The following WNT7A variants were observed in gnomAD, a reference collection of about 807,000 sequenced individuals.
WNT7A encodes protein Wnt-7a.
WNT7A carries 16 observed loss-of-function variants against 28.2 expected under a neutral mutation model. The observed-to-expected ratio is 0.57, with a 90% CI of 0.38 to 0.86. The LOEUF (loss-of-function observed/expected upper bound fraction) is 0.86. Among genes scored for constraint, WNT7A ranks in the 40% least tolerant of loss-of-function variants. The pLI is 0.00. For missense variants in WNT7A, 411 were observed against 489.7 expected (o/e 0.84, Z 1.52); for synonymous variants, 190 against 195.9 (o/e 0.97, Z 0.25).
intron 1 of WNT7A, among the ~76,000 whole-genome samples, chr3:13,878,847 C>T (rs554393666): frequency 7.7e-4 from 117 of 152,246 alleles, no homozygotes; most frequent in African/African-American, 2.7e-3. Flanking sequence ...GAGCCTCACA[C>T]GCGTTGTCTT....
intron 2 of WNT7A, among the ~76,000 whole-genome samples, chr3:13,856,005 A>G (rs55936644): frequency 0.45 from 67,880 of 151,828 alleles, 18,473 homozygotes; most frequent in East Asian, 0.83. Flanking sequence ...CTTCTCATTC[A>G]CCTTGGGACC....
intron 3 of WNT7A, among the ~76,000 whole-genome samples, chr3:13,838,352 G>A (rs1313424561): frequency 6.6e-6 from 1 of 152,222 alleles, no homozygotes; most frequent in African/African-American, 2.4e-5. Context: ...AGGAGCAACA[G>A]TGGACCTGAA....
intron 2 of WNT7A, among the ~76,000 whole-genome samples, chr3:13,868,377 C>T (rs1056212463): frequency 2.6e-5 from 4 of 151,446 alleles, no homozygotes; most frequent in Admixed American, 2.0e-4. Context: ...CCTGTAATCC[C>T]AGTGGAAGGA....
At chr3:13,856,360 A>G (rs1694729665) in intron 2 of WNT7A, among the ~76,000 whole-genome samples, 1 of 152,284 alleles carries the variant, frequency 6.6e-6, no homozygotes, top group Non-Finnish European at 1.5e-5. Flanking sequence ...TCAAATGCAG[A>G]AATGCATAGC....
In WNT7A at chr3:13,816,929, A is replaced by T. The variant is rs1370097056; in HGVS notation, c.*2015T>A. On this transcript the variant is annotated 3_prime_UTR_variant, in exon 4 of 4. Coordinates refer to ENST00000285018, the MANE Select transcript of WNT7A (RefSeq NM_004625.4). ...CCCCTTCACATGCCCACTCCTCCAG[A>T]CACCCAAGTAAAAGAAAAATGGAAA... 3 of 152,108 alleles carry T rather than the reference A, an allele frequency of 2.0e-5. No individual in the cohort carries two copies. The highest frequency in any genetic ancestry group is 4.4e-5 in the Non-Finnish European group (3 of 68,054). 9.4% of individuals were successfully genotyped at this position (152,108 alleles called of 1,614,324 possible).
At chr3:13,854,129 G>T (rs1222397166) in intron 3 of WNT7A, among the ~76,000 whole-genome samples, 1 of 151,888 alleles carries the variant, frequency 6.6e-6, no homozygotes, top group East Asian at 1.9e-4. Context: ...CACAGGATGT[G>T]GCCAGAAGCC....
chr3:13,839,192 A>C (rs1045836942), intron 3 of WNT7A, among the ~76,000 whole-genome samples: 4 of 152,176 alleles, frequency 2.6e-5, no homozygotes, highest in African/African-American at 9.7e-5. Flanking sequence ...TGGTTCCTGG[A>C]CCAACCAGCA....
intron 1 of WNT7A, among the ~76,000 whole-genome samples, chr3:13,877,421 T>C (rs1196542033): frequency 6.6e-6 from 1 of 152,094 alleles, no homozygotes; most frequent in Non-Finnish European, 1.5e-5. Flanking sequence ...AGAAGCAGCA[T>C]GAGAAGATTA....
intron 1 of WNT7A, among the ~76,000 whole-genome samples, chr3:13,879,139 G>A (rs944848758): frequency 6.6e-6 from 1 of 152,234 alleles, no homozygotes; most frequent in Non-Finnish European, 1.5e-5. Context: ...CTTGGCCCGG[G>A]AAGGGGCTCT....
At chr3:13,869,551 A>C (rs1381201554) in intron 2 of WNT7A, among the ~76,000 whole-genome samples, 1 of 150,916 alleles carries the variant, frequency 6.6e-6, no homozygotes, top group Non-Finnish European at 1.5e-5. Flanking sequence ...GAAAAAAGAA[A>C]GAAAAGAAGG....
intron 3 of WNT7A, among the ~76,000 whole-genome samples, chr3:13,833,696 T>G (rs998485494): frequency 2.6e-5 from 4 of 152,190 alleles, no homozygotes; most frequent in African/African-American, 9.7e-5. Context: ...GACTGTGGCC[T>G]GTGACCTGGG....
At chr3:13,836,545 G>A (rs1694374192) in intron 3 of WNT7A, among the ~76,000 whole-genome samples, 1 of 152,220 alleles carries the variant, frequency 6.6e-6, no homozygotes, top group Admixed American at 6.5e-5. Flanking sequence ...CCCTGGTCAT[G>A]TCCTCCATCC....
chr3:13,861,673 G>A (rs906515105), intron 2 of WNT7A, among the ~76,000 whole-genome samples: 86 of 152,318 alleles, frequency 5.6e-4, no homozygotes, highest in Admixed American at 9.1e-4. Flanking sequence ...CTAGTGGCGG[G>A]AGCAGGTGAG....
rs1276596399 is a variant in WNT7A, at chr3:13,874,972, G to A, written c.273C>T (p.Thr91=). ...CCACTTTGAGCTCCTTCCCGAAGAC[G>A]GTGCGCTCTCCCAGTGCAGAGCAGT... ...RWNCSALGER[T]VFGKELKVGS... Residue 91 remains threonine, a synonymous_variant, in exon 2 of 4, where the codon ACC becomes ACT. Coordinates refer to ENST00000285018, the MANE Select transcript of WNT7A (RefSeq NM_004625.4). The A allele has an allele frequency of 3.7e-6, 6 of 1,614,116 alleles. No homozygotes were observed. Among genetic ancestry groups the A allele is most frequent in the East Asian group, 2.2e-5 (1 of 44,878 alleles).
chr3:13,861,111 C>A (rs1694821453), intron 2 of WNT7A, among the ~76,000 whole-genome samples: 1 of 152,202 alleles, frequency 6.6e-6, no homozygotes, highest in Non-Finnish European at 1.5e-5. Context: ...CACTCCCTTG[C>A]CTCAAGGTTT....
intron 2 of WNT7A, among the ~76,000 whole-genome samples, chr3:13,872,498 C>A (rs1312214708): frequency 6.6e-6 from 1 of 152,146 alleles, no homozygotes; most frequent in Admixed American, 6.5e-5. Context: ...ACCCTGTATA[C>A]CTCCTGGCTC....
chr3:13,868,692 G>GAAAGAA (rs1457779222), intron 2 of WNT7A, among the ~76,000 whole-genome samples: 17 of 20,100 alleles, frequency 8.5e-4, no homozygotes, highest in African/African-American at 5.0e-3. Context: ...GAGAGAGAGA[G>GAAAGAA]AAAGAAAGAA....
At chr3:13,822,227 C>T (rs950283918) in intron 3 of WNT7A, among the ~76,000 whole-genome samples, 4 of 152,188 alleles carry the variant, frequency 2.6e-5, no homozygotes, top group Admixed American at 1.3e-4. Context: ...CACCCCTAGG[C>T]GTATGCCCAA....
chr3:13,859,281 TGTGTGAGGG>T (rs1044148983), intron 2 of WNT7A, among the ~76,000 whole-genome samples: 1 of 152,104 alleles, frequency 6.6e-6, no homozygotes, highest in African/African-American at 2.4e-5. Flanking sequence ...TCCTCCAAAA[TGTGTGAGGG>T]GTGAGACAGA....
Sources: gnomAD v4.1 joint callset for allele counts (sites outside exome capture counted in the v4.1 genomes callset) on GRCh38, gnomAD v4.1.1 for gene constraint, MANE v1.5 for transcripts, NCBI Gene and HGNC (gene_info 2026-07-23, HGNC 2026-07-21) for gene names.